PEPD: variants seen among roughly 807,000 people sequenced by gnomAD.
The protein encoded by PEPD is xaa-Pro dipeptidase.
A neutral mutation model predicts 60.7 loss-of-function variants in PEPD; 53 were observed. The observed-to-expected ratio is 0.87, with a 90% CI of 0.70 to 1.10. The LOEUF (loss-of-function observed/expected upper bound fraction) is 1.10, where lower values mean the gene tolerates loss of function less well. PEPD is among the 50% of genes least tolerant of loss of function. The pLI is 0.00. For missense variants in PEPD, 711 were observed against 711.9 expected, an observed-to-expected ratio of 1.00 and a Z score of 0.01; for synonymous variants, 267 against 284.1, an observed-to-expected ratio of 0.94 and a Z score of 0.60.
At chr19:33,423,203 G>C (rs750989689) in intron 9 of PEPD, among the ~76,000 whole-genome samples, 1 of 152,140 alleles carries the variant, frequency 6.6e-6, no homozygotes, top group African/African-American at 2.4e-5. Flanking sequence ...CAAGAGACCA[G>C]AACAGTGCTT....
chr19:33,510,185 C>T (rs1970893982), intron 3 of PEPD, among the ~76,000 whole-genome samples: 1 of 152,204 alleles, frequency 6.6e-6, no homozygotes, highest in South Asian at 2.1e-4. Flanking sequence ...ACAAACAAGG[C>T]CCCCAGTTGA....
At chr19:33,425,078 A>T (rs2145386692) in intron 9 of PEPD, among the ~76,000 whole-genome samples, 1 of 152,252 alleles carries the variant, frequency 6.6e-6, no homozygotes, top group East Asian at 1.9e-4. Context: ...AAACAAAAAG[A>T]ATTGCCAGAG....
At position 33,387,909 on chromosome 19, in the gene PEPD, C is replaced by T. The variant is rs568774163; in HGVS notation, c.1325G>A (p.Arg442His). 210 of 1,580,188 alleles carry T rather than the reference C, an allele frequency of 1.3e-4. No homozygotes were observed. The East Asian group carries it at 1.4e-3, about 11-fold the overall frequency. ...ASFLNREVLQ[R>H]FRGFGGVRIE... ...ACTCACCCCGCCAAAACCGCGAAAG[C>T]GCTGCAGGACCTCGCGGTTAAGGAA... Residue 442 changes from arginine (R) to histidine (H), a missense_variant, in exon 14 of 15, where the codon CGC (arginine) becomes CAC (histidine). Transcript: ENST00000244137.
intron 11 of PEPD, 99 bp from the exon 12 acceptor site, chr19:33,401,968 CG>C: frequency 1.7e-6 from 2 of 1,197,068 alleles, no homozygotes; most frequent in South Asian, 2.6e-5. Context: ...GCAGCTGGCC[CG>C]GGTCCTGGAT....
At chr19:33,407,442 C>T (rs1423801966) in intron 11 of PEPD, among the ~76,000 whole-genome samples, 3 of 152,160 alleles carry the variant, frequency 2.0e-5, no homozygotes, top group Non-Finnish European at 4.4e-5. Flanking sequence ...GCTCAGAAGA[C>T]GACCAGGAGA....
intron 6 of PEPD, among the ~76,000 whole-genome samples, chr19:33,485,278 A>G (rs1357765963): frequency 1.3e-5 from 2 of 151,998 alleles, no homozygotes; most frequent in Admixed American, 1.3e-4. Context: ...TGAATCACCT[A>G]AGGTCAGGAG....
At chr19:33,494,338 T>C (rs1970557274) in intron 4 of PEPD, among the ~76,000 whole-genome samples, 2 of 152,236 alleles carry the variant, frequency 1.3e-5, no homozygotes, top group African/African-American at 4.8e-5. Flanking sequence ...GATTGAGTGA[T>C]CACTGACATA....
At chr19:33,405,977 T>C (rs1968613387) in intron 11 of PEPD, among the ~76,000 whole-genome samples, 1 of 152,204 alleles carries the variant, frequency 6.6e-6, no homozygotes, top group Admixed American at 6.5e-5. Context: ...TGGAGGGAAC[T>C]GGCATTGCCA....
chr19:33,500,204 G>A (rs1358588614), intron 4 of PEPD, among the ~76,000 whole-genome samples: 1 of 152,238 alleles, frequency 6.6e-6, no homozygotes, highest in Non-Finnish European at 1.5e-5. Flanking sequence ...CAGGACGTGG[G>A]GTTGTGACAG....
intron 9 of PEPD, among the ~76,000 whole-genome samples, chr19:33,455,020 A>AATT (rs1251649704): frequency 6.6e-6 from 1 of 152,218 alleles, no homozygotes; most frequent in Non-Finnish European, 1.5e-5. Flanking sequence ...AAACCAAGGC[A>AATT]ATTCTAAGAA....
intron 9 of PEPD, among the ~76,000 whole-genome samples, chr19:33,429,263 A>T (rs1382368748): frequency 6.6e-6 from 1 of 152,204 alleles, no homozygotes; most frequent in African/African-American, 2.4e-5. Flanking sequence ...GTGCTAAGCC[A>T]CCGAGATCTG....
Position 33,387,910 on chromosome 19 carries a change from G to A in PEPD, c.1324C>T (p.Arg442Cys), listed in dbSNP as rs537755422. ...CTCACCCCGCCAAAACCGCGAAAGCGCTGCAGGACCTCGCGGTTAAGGAAG... is the reference window on the plus strand; with the variant it reads ...CTCACCCCGCCAAAACCGCGAAAGCACTGCAGGACCTCGCGGTTAAGGAAG... ...ASFLNREVLQRFRGFGGVRIE... is the reference protein window; with the variant it reads ...ASFLNREVLQCFRGFGGVRIE... The change falls in exon 14 of 15, where the codon CGC becomes TGC. Residue 442 changes from arginine (R) to cysteine (C), a missense_variant. Transcript: ENST00000244137. 7.9e-5 allele frequency: 125 copies of A among 1,581,470 alleles called. 1 individual carries two copies. In the South Asian group the frequency reaches 1.2e-3, roughly 15 times the overall value.
chr19:33,488,324 C>T (rs1248291571), intron 6 of PEPD, among the ~76,000 whole-genome samples: 1 of 152,144 alleles, frequency 6.6e-6, no homozygotes. Context: ...GTGCCCACCA[C>T]AAGCCCAGGC....
chr19:33,434,339 C>T (rs1969334295), intron 9 of PEPD, among the ~76,000 whole-genome samples: 1 of 152,102 alleles, frequency 6.6e-6, no homozygotes, highest in Non-Finnish European at 1.5e-5. Flanking sequence ...GAGTGTGGGG[C>T]GCCAGGCATG....
intron 6 of PEPD, among the ~76,000 whole-genome samples, chr19:33,487,956 C>T (rs1347556475): frequency 6.6e-6 from 1 of 151,894 alleles, no homozygotes; most frequent in Non-Finnish European, 1.5e-5. Flanking sequence ...AAGCCCAGGG[C>T]CCCACCTGCC....
chr19:33,420,741 G>A (rs1217767470), intron 9 of PEPD, among the ~76,000 whole-genome samples: 1 of 137,512 alleles, frequency 7.3e-6, no homozygotes, highest in Non-Finnish European at 1.6e-5. Context: ...ATGATTAGCT[G>A]TAATTAAAAA....
At chr19:33,466,928 C>T (rs1033287231) in intron 7 of PEPD, among the ~76,000 whole-genome samples, 8 of 151,988 alleles carry the variant, frequency 5.3e-5, no homozygotes, top group South Asian at 4.2e-4. Context: ...GAGGCCGAGG[C>T]GGGCAGATCA....
At position 33,405,819 on chromosome 19, in the gene PEPD, GGCCACTCCTCC is replaced by G. The variant is rs1411164815; in HGVS notation, c.819-3961_819-3951del. ...CATCTCTGCCCCCTTTTCGTGTGAC[GGCCACTCCTCC>G]AGGGCCTCGGCAGACAGGAAAGCTG... On this transcript the variant is annotated intron_variant, in intron 11 of 14. Transcript: ENST00000244137. Among the ~76,000 whole-genome samples, 253 of 152,332 alleles carry G rather than the reference GGCCACTCCTCC, an allele frequency of 1.7e-3. 2 individuals are homozygous for G. Among genetic ancestry groups the G allele is most frequent in the Non-Finnish European group, 1.2e-3 (83 of 68,030 alleles).
intron 9 of PEPD, among the ~76,000 whole-genome samples, chr19:33,417,146 A>C (rs1050525270): frequency 3.3e-5 from 5 of 152,252 alleles, no homozygotes; most frequent in Admixed American, 1.3e-4. Flanking sequence ...AGTGTCGGCC[A>C]AGCTATGTGC....
Sources: allele counts gnomAD v4.1 joint callset (sites outside exome capture counted in the v4.1 genomes callset), GRCh38; gene constraint gnomAD v4.1.1; transcripts MANE v1.5; gene names NCBI Gene and HGNC (gene_info 2026-07-23, HGNC 2026-07-21).